The following KCNJ3 variants were observed in gnomAD, a reference collection of about 807,000 sequenced individuals.
KCNJ3 encodes the protein potassium inwardly rectifying channel subfamily J member 3.
Under a neutral mutation model 39.2 loss-of-function variants are expected in KCNJ3, and 4 were observed. The ratio of observed to expected loss-of-function variants is 0.10; its 90% CI spans 0.05 to 0.23. KCNJ3 has a LOEUF of 0.23. Among genes scored for constraint, KCNJ3 ranks in the 10% least tolerant of loss-of-function variants. The pLI is 1.00. For missense variants in KCNJ3, 276 were observed against 634.9 expected, an observed-to-expected ratio of 0.43 and a Z score of 6.08; for synonymous variants, 230 against 237.4, an observed-to-expected ratio of 0.97 and a Z score of 0.29.
chr2:154,787,587 T>C (rs1233426212), intron 2 of KCNJ3, among the ~76,000 whole-genome samples: 2 of 152,050 alleles, frequency 1.3e-5, no homozygotes, highest in African/African-American at 4.8e-5. Context: ...TTCTGTTTTA[T>C]CAAACTTTTC....
chr2:154,818,326 G>A (rs1687115472), intron 2 of KCNJ3, among the ~76,000 whole-genome samples: 1 of 151,960 alleles, frequency 6.6e-6, no homozygotes, highest in South Asian at 2.1e-4. Context: ...GAAATGGCTA[G>A]GGAGGGAAAC....
chr2:154,822,202 G>A (rs1186423986), intron 2 of KCNJ3, among the ~76,000 whole-genome samples: 1 of 152,030 alleles, frequency 6.6e-6, no homozygotes, highest in Admixed American at 6.6e-5. Context: ...AACACGAGCA[G>A]GTTTGCAAAT....
intron 2 of KCNJ3, among the ~76,000 whole-genome samples, chr2:154,776,205 T>G (rs1017358889): frequency 6.6e-6 from 1 of 152,080 alleles, no homozygotes; most frequent in Non-Finnish European, 1.5e-5. Flanking sequence ...TTTCTCCATG[T>G]TGGGCAGGCT....
rs184012706 is a variant in KCNJ3 at position 154,742,865 on chromosome 2, A to T, written c.919+33046A>T. On this transcript the variant is annotated intron_variant, in intron 2 of 2. Transcript: ENST00000295101. ...GATAGTGTCTTTTGAAGCAAAAAAA[A>T]TTAAGTTTTCATTAAGTCCAATTTG... Among the ~76,000 whole-genome samples, 113 of 151,904 alleles carry T rather than the reference A, an allele frequency of 7.4e-4. 1 individual carries two copies. Among genetic ancestry groups the T allele is most frequent in the Non-Finnish European group, 2.5e-4 (17 of 67,782 alleles).
At chr2:154,772,831 G>T (rs1033054391) in intron 2 of KCNJ3, among the ~76,000 whole-genome samples, 1 of 151,628 alleles carries the variant, frequency 6.6e-6, no homozygotes, top group East Asian at 1.9e-4. Flanking sequence ...TACTCATCTC[G>T]GTGTCTAAAA....
At chr2:154,834,090 A>G (rs1687407892) in intron 2 of KCNJ3, among the ~76,000 whole-genome samples, 1 of 152,188 alleles carries the variant, frequency 6.6e-6, no homozygotes, top group South Asian at 2.1e-4. Context: ...TGGTAAAAAT[A>G]TGTTTAGTTT....
chr2:154,853,166 AAGAG>A (rs776258497), intron 2 of KCNJ3, among the ~76,000 whole-genome samples: 7 of 151,714 alleles, frequency 4.6e-5, no homozygotes, highest in Non-Finnish European at 8.8e-5. Flanking sequence ...AAGAGGGAAG[AAGAG>A]AGAGAGCACC....
At chr2:154,744,680 T>C (rs140546864) in intron 2 of KCNJ3, among the ~76,000 whole-genome samples, 5 of 152,010 alleles carry the variant, frequency 3.3e-5, no homozygotes, top group South Asian at 2.1e-4. Context: ...CTCTGTTTCA[T>C]TGCTGATATT....
At chr2:154,727,944 A>G (rs1389315084) in intron 2 of KCNJ3, among the ~76,000 whole-genome samples, 1 of 150,436 alleles carries the variant, frequency 6.6e-6, no homozygotes, top group Admixed American at 6.6e-5. Flanking sequence ...ATATTTATTT[A>G]AAGTATATGG....
intron 2 of KCNJ3, among the ~76,000 whole-genome samples, chr2:154,732,231 G>A (rs141332196): frequency 3.9e-5 from 6 of 152,176 alleles, no homozygotes; most frequent in South Asian, 2.1e-4. Flanking sequence ...CCTTGCATAC[G>A]TGTGCATTTT....
Position 154,818,117 on chromosome 2 carries a change from A to G in KCNJ3, c.920-36610A>G, listed in dbSNP as rs1687112861. Among the ~76,000 whole-genome samples, 3 of 152,098 alleles carry G rather than the reference A, an allele frequency of 2.0e-5. No individual in the cohort carries two copies. In the South Asian group the frequency reaches 6.2e-4, roughly 32 times the overall value. The stretch of plus-strand genomic sequence containing the variant: ...AAAAGTTAGAATAAATATTCCCTTT[A>G]TTATGTATTAACTTATATATGATAT... On this transcript the variant is annotated intron_variant, in intron 2 of 2. Transcript: ENST00000295101.
intron 2 of KCNJ3, among the ~76,000 whole-genome samples, chr2:154,780,696 A>G (rs1686424608): frequency 6.6e-6 from 1 of 152,170 alleles, no homozygotes; most frequent in African/African-American, 2.4e-5. Context: ...TTCTTGTTTC[A>G]TACATATATA....
At chr2:154,784,364 T>C (rs751339457) in intron 2 of KCNJ3, among the ~76,000 whole-genome samples, 4 of 152,138 alleles carry the variant, frequency 2.6e-5, no homozygotes, top group African/African-American at 9.7e-5. Flanking sequence ...TGAGATAGAA[T>C]GAAGGACAGC....
chr2:154,818,621 T>TA (rs1320032466), intron 2 of KCNJ3, among the ~76,000 whole-genome samples: 2 of 152,126 alleles, frequency 1.3e-5, no homozygotes, highest in Middle Eastern at 3.2e-3. Flanking sequence ...GTCATACACC[T>TA]AAAAAAATGT....
intron 2 of KCNJ3, among the ~76,000 whole-genome samples, chr2:154,807,620 A>T (rs1196590939): frequency 1.3e-5 from 2 of 152,174 alleles, no homozygotes; most frequent in Admixed American, 6.5e-5. Flanking sequence ...AGATGAGAAG[A>T]CATCTAGAGG....
At chr2:154,726,052 AAAGACTTCATGACCACTATCCC>A (rs1359510113) in intron 2 of KCNJ3, among the ~76,000 whole-genome samples, 5 of 152,212 alleles carry the variant, frequency 3.3e-5, no homozygotes, top group Non-Finnish European at 7.3e-5. Context: ...TGCCTTAGGA[AAAGACTTCATGACCACTATCCC>A]AAAAGCAAAT....
At chr2:154,834,719 T>A (rs1205133231) in intron 2 of KCNJ3, among the ~76,000 whole-genome samples, 1 of 150,998 alleles carries the variant, frequency 6.6e-6, no homozygotes, top group African/African-American at 2.4e-5. Flanking sequence ...AGAGCGAGAC[T>A]CCATCTCAAA....
chr2:154,816,596 A>G (rs1423108920), intron 2 of KCNJ3, among the ~76,000 whole-genome samples: 1 of 152,206 alleles, frequency 6.6e-6, no homozygotes, highest in Non-Finnish European at 1.5e-5. Context: ...AGTTATACAT[A>G]TGGTGTTTAA....
chr2:154,845,667 T>C lies in KCNJ3; in HGVS notation c.920-9060T>C, dbSNP rs139763603. ...TTCCACTGTTAGGTTAAAGGAATAA[T>C]AATCAGTTGAAAGTGAATTTAGGCC... is the stretch of plus-strand genomic sequence containing the variant. On this transcript the variant is annotated intron_variant, in intron 2 of 2. Transcript: ENST00000295101. Among the ~76,000 whole-genome samples the C allele has an allele frequency of 2.8e-3, 430 of 152,230 alleles. 4 individuals are homozygous for C. Among genetic ancestry groups the C allele is most frequent in the African/African-American group, 0.01 (423 of 41,558 alleles).
Sources: allele counts gnomAD v4.1 joint callset (sites outside exome capture counted in the v4.1 genomes callset), GRCh38; gene constraint gnomAD v4.1.1; transcripts MANE v1.5; gene names NCBI Gene and HGNC (gene_info 2026-07-23, HGNC 2026-07-21).